The following CYP51A1 variants were observed in gnomAD, a reference collection of about 807,000 sequenced individuals.
CYP51A1 encodes cytochrome P450 family 51 subfamily A member 1, also known as lanosterol 14-alpha demethylase.
A neutral mutation model predicts 53.5 loss-of-function variants in CYP51A1; 45 were observed. The observed-to-expected ratio is 0.84, with a 90% CI of 0.66 to 1.08. The LOEUF is 1.08. Ranked by LOEUF, CYP51A1 falls within the 50% of genes least tolerant of loss-of-function variation. The probability of loss-of-function intolerance (pLI) is 0.00; values close to 1 mark genes in which losing one functional copy is unlikely to be tolerated. For synonymous variants in CYP51A1, 181 were observed against 217.7 expected (o/e 0.83, Z 1.48); for missense variants, 462 against 621.7 (o/e 0.74, Z 2.73).
chr7:92,133,259 T>C (rs1256446031), intron 1 of CYP51A1, among the ~76,000 whole-genome samples: 2 of 46,274 alleles, frequency 4.3e-5, no homozygotes, highest in African/African-American at 3.7e-4. Context: ...AAGAAAATGA[T>C]TTTTTTTTTT....
At chr7:92,124,936 G>A (rs1011353989) in intron 5 of CYP51A1, among the ~76,000 whole-genome samples, 18 of 152,146 alleles carry the variant, frequency 1.2e-4, no homozygotes, top group Non-Finnish European at 2.5e-4. Context: ...AAGGTCGGGA[G>A]ATCAAGACCA....
At chr7:92,131,951 A>G in intron 1 of CYP51A1, 79 bp from the exon 2 acceptor site, 2 of 837,288 alleles carry the variant, frequency 2.4e-6, no homozygotes, top group Non-Finnish European at 4.1e-6. Context: ...TGACCAAACA[A>G]TTAAACAAAA....
chr7:92,119,804 G>A (rs1364472414), intron 7 of CYP51A1, among the ~76,000 whole-genome samples: 1 of 152,020 alleles, frequency 6.6e-6, no homozygotes, highest in African/African-American at 2.4e-5. Flanking sequence ...CCCAGACATT[G>A]GACTTACTAG....
At chr7:92,127,079 ATG>A (rs1323435808) in intron 4 of CYP51A1, among the ~76,000 whole-genome samples, 1 of 152,224 alleles carries the variant, frequency 6.6e-6, no homozygotes, top group Non-Finnish European at 1.5e-5. Context: ...CTGTAATTAT[ATG>A]TCTCACATGC....
intron 4 of CYP51A1, among the ~76,000 whole-genome samples, chr7:92,127,100 A>G (rs755499392): frequency 3.9e-5 from 6 of 152,254 alleles, no homozygotes; most frequent in East Asian, 1.9e-4. Context: ...GCATTATTAC[A>G]TTGGCATTCT....
At chr7:92,124,841 A>G (rs1272133363) in intron 5 of CYP51A1, among the ~76,000 whole-genome samples, 3 of 152,214 alleles carry the variant, frequency 2.0e-5, no homozygotes, top group African/African-American at 7.2e-5. Flanking sequence ...AGAAACAGGC[A>G]GGTAGAAATG....
At chr7:92,133,640 C>T (rs1219935247) in intron 1 of CYP51A1, among the ~76,000 whole-genome samples, 1 of 152,190 alleles carries the variant, frequency 6.6e-6, no homozygotes, top group Non-Finnish European at 1.5e-5. Flanking sequence ...CCACACTCTA[C>T]ACATCCTCCT....
rs1426002006 is a variant in CYP51A1 at position 92,112,407 on chromosome 7, C to T, written c.*1258G>A. 3 of 152,170 alleles carry T rather than the reference C, an allele frequency of 2.0e-5. No homozygotes were observed. The highest frequency in any genetic ancestry group is 4.4e-5 in the Non-Finnish European group (3 of 68,022). 9.4% of individuals were successfully genotyped at this position (152,170 alleles called of 1,614,324 possible). ...ACAGAATGTGACCAATTTTATTACT[C>T]CCAAGGACCTTGTTTCAGATTATCT... On this transcript the variant is annotated 3_prime_UTR_variant, in exon 10 of 10. Coordinates refer to ENST00000003100, the MANE Select transcript of CYP51A1 (RefSeq NM_000786.4).
chr7:92,113,714 A>T lies in CYP51A1; in HGVS notation c.1481T>A (p.Ile494Asn). ...YFPTVNYTTM[I>N]HTPENPVIRY... ...GATAACTGGGTTTTCAGGGGTGTGA[A>T]TCATAGTTGTATAATTCACAGTGGG... Residue 494 changes from isoleucine to asparagine, a missense_variant, in exon 10 of 10, where the codon ATT becomes AAT. Coordinates refer to ENST00000003100, the MANE Select transcript of CYP51A1 (RefSeq NM_000786.4). 6.2e-7 allele frequency: 1 copy of T among 1,612,580 alleles called. No individual in the cohort carries two copies. The highest frequency in any genetic ancestry group is 8.5e-7 in the Non-Finnish European group (1 of 1,179,690).
intron 9 of CYP51A1, among the ~76,000 whole-genome samples, chr7:92,116,200 G>C (rs1228283778): frequency 1.3e-5 from 2 of 152,210 alleles, no homozygotes; most frequent in East Asian, 3.8e-4. Context: ...TGAACCCAGA[G>C]GTGGAGGTTG....
At chr7:92,131,214 G>A (rs1459269196) in intron 2 of CYP51A1, among the ~76,000 whole-genome samples, 1 of 152,194 alleles carries the variant, frequency 6.6e-6, no homozygotes, top group Non-Finnish European at 1.5e-5. Flanking sequence ...CCAGGAGACG[G>A]TATGGTCTAC....
In CYP51A1 at chr7:92,113,560, TA is replaced by T; in HGVS notation, c.*104del. 2.7e-6 allele frequency: 3 copies of T among 1,109,102 alleles called. No homozygotes were observed. Among genetic ancestry groups the T allele is most frequent in the Non-Finnish European group, 3.9e-6 (3 of 766,152 alleles). 68.7% of individuals were successfully genotyped at this position (1,109,102 alleles called of 1,614,324 possible). ...AAACTGGCTTTTAGAATTACACACT[TA>T]AAAAAACAGTAAACTACAAGAGTTG... On this transcript the variant is annotated 3_prime_UTR_variant, in exon 10 of 10. Coordinates refer to ENST00000003100, the MANE Select transcript of CYP51A1 (RefSeq NM_000786.4).
upstream of CYP51A1, chr7:92,134,571 C>A (rs535747801): frequency 3.6e-6 from 2 of 562,568 alleles, no homozygotes; most frequent in African/African-American, 3.9e-5. Context: ...TTAAATAACA[C>A]TCTGTGAAGC....
intron 4 of CYP51A1, 139 bp downstream of exon 4, chr7:92,127,366 T>C: frequency 1.3e-6 from 1 of 769,360 alleles, no homozygotes; most frequent in Non-Finnish European, 2.0e-6. Context: ...ATGGTAATCA[T>C]TACATAACCC....
intron 7 of CYP51A1, among the ~76,000 whole-genome samples, chr7:92,120,326 A>G (rs1371312153): frequency 6.6e-6 from 1 of 152,264 alleles, no homozygotes; most frequent in African/African-American, 2.4e-5. Context: ...GGACAAAGTC[A>G]GAGGACTCAC....
rs1819624856 is a variant in CYP51A1 at position 92,118,582 on chromosome 7, T to C, written c.1120A>G (p.Lys374Glu). The C allele has an allele frequency of 6.3e-7, 1 of 1,593,680 alleles. No homozygotes were observed. The highest frequency in any genetic ancestry group is 1.7e-5 in the Admixed American group (1 of 59,998). Residue 374 changes from lysine to glutamate, a missense_variant, in exon 8 of 10, where the codon AAA becomes GAA. By Grantham distance (56) the Lys-to-Glu change is moderately conservative. Transcript: ENST00000003100. Reference protein sequence around the residue: ...KDLNLLDRCIKETLRLRPPIM... With the variant: ...KDLNLLDRCIEETLRLRPPIM... ...GGAGGTCTAAGTCTTAATGTTTCTT[T>C]TATACAGCGATCAAGTAAATTTAGA...
intron 8 of CYP51A1, 69 bp from the exon 9 acceptor site, chr7:92,117,281 G>A (rs1819598117): frequency 1.5e-6 from 2 of 1,371,220 alleles, no homozygotes; most frequent in African/African-American, 2.9e-5. Flanking sequence ...AGATCATTGT[G>A]TAATAAAGCA....
At chr7:92,128,076 G>A (rs1261745900) in intron 3 of CYP51A1, among the ~76,000 whole-genome samples, 1 of 152,188 alleles carries the variant, frequency 6.6e-6, no homozygotes, top group Non-Finnish European at 1.5e-5. Flanking sequence ...ACACATAGAT[G>A]TACCCCACAC....
In CYP51A1 at chr7:92,123,122, G is replaced by T. The variant is rs745502963; in HGVS notation, c.1084C>A (p.Gln362Lys). The change falls in exon 7 of 10, where the codon CAG becomes AAG. Residue 362 changes from glutamine to lysine, a missense_variant and splice_region_variant. By Grantham distance (53) the Gln-to-Lys change is moderately conservative (BLOSUM62 1). Coordinates refer to ENST00000003100, the MANE Select transcript of CYP51A1 (RefSeq NM_000786.4). ...GENLPPLTYD[Q>K]LKDLNLLDRC... ...TGAAACTGAAAAATCCAACAAACCT[G>T]GTCATAAGTTAAAGGAGGCAGATTC... The T allele has an allele frequency of 6.2e-7, 1 of 1,608,536 alleles. No individual in the cohort carries two copies. The highest frequency in any genetic ancestry group is 8.5e-7 in the Non-Finnish European group (1 of 1,176,412).
Sources: gnomAD v4.1 joint callset for allele counts (sites outside exome capture counted in the v4.1 genomes callset) on GRCh38, gnomAD v4.1.1 for gene constraint, MANE v1.5 for transcripts, NCBI Gene and HGNC (gene_info 2026-07-23, HGNC 2026-07-21) for gene names.